The following GRB14 variants were observed in gnomAD, a reference collection of about 807,000 sequenced individuals.
GRB14 encodes the protein growth factor receptor-bound protein 14.
In GRB14, 38 loss-of-function variants were observed where a neutral mutation model predicts 69.1. The observed-to-expected ratio is 0.55, with a 90% CI of 0.42 to 0.72. The LOEUF is 0.72. GRB14 is among the 30% of genes least tolerant of loss of function. The pLI, the probability that GRB14 is intolerant of heterozygous loss-of-function variation, is 0.00. For synonymous variants in GRB14, 247 were observed against 241.3 expected, an observed-to-expected ratio of 1.02 and a Z score of -0.22; for missense variants, 666 against 666.1, an observed-to-expected ratio of 1.00 and a Z score of 0.00.
chr2:164,497,016 A>G lies in GRB14; in HGVS notation c.1374T>C (p.Leu458=), dbSNP rs1686917734. Residue 458 remains leucine (L), a synonymous_variant, in exon 12 of 14, where the codon CTT becomes CTC. Transcript: ENST00000263915. The part of the protein sequence containing the change: ...EAQRLIIQQG[L]VDGVFLVRDS... ...AAAAATACCAAACTTACCCATCCACAAGTCCTTGCTGAATAATCAATCGCT... is the reference window on the plus strand; with the variant it reads ...AAAAATACCAAACTTACCCATCCACGAGTCCTTGCTGAATAATCAATCGCT... 6.2e-7 allele frequency: 1 copy of G among 1,613,486 alleles called. No individual in the cohort carries two copies. Among genetic ancestry groups the G allele is most frequent in the African/African-American group, 1.3e-5 (1 of 75,034 alleles).
chr2:164,608,492 A>G (rs1690091508), intron 2 of GRB14, among the ~76,000 whole-genome samples: 2 of 152,106 alleles, frequency 1.3e-5, no homozygotes, highest in African/African-American at 4.8e-5. Flanking sequence ...TAATACATTG[A>G]TGGTGCCTAT....
At chr2:164,568,497 A>T (rs548658973) in intron 2 of GRB14, 1 of 1,126,610 alleles carries the variant, frequency 8.9e-7, no homozygotes, top group South Asian at 1.9e-5. Flanking sequence ...GAAAGTAATA[A>T]ATGTCACCCT....
At chr2:164,613,266 TTGAGA>T (rs1347581424) in intron 2 of GRB14, among the ~76,000 whole-genome samples, 1 of 152,192 alleles carries the variant, frequency 6.6e-6, no homozygotes, top group African/African-American at 2.4e-5. Context: ...TGTGTCCTGT[TTGAGA>T]TCTTTTTTTT....
At chr2:164,513,825 G>C (rs750520368) in intron 6 of GRB14, among the ~76,000 whole-genome samples, 13 of 152,166 alleles carry the variant, frequency 8.5e-5, no homozygotes, top group Non-Finnish European at 1.8e-4. Context: ...GACAACTATA[G>C]ATGCATGAAA....
At chr2:164,499,982 G>A (rs1354218942) in intron 9 of GRB14, among the ~76,000 whole-genome samples, 2 of 152,146 alleles carry the variant, frequency 1.3e-5, no homozygotes, top group East Asian at 3.9e-4. Flanking sequence ...CACACAGGCA[G>A]CTTATGGTAA....
At chr2:164,514,620 G>C (rs1687431299) in intron 6 of GRB14, among the ~76,000 whole-genome samples, 2 of 152,112 alleles carry the variant, frequency 1.3e-5, no homozygotes, top group Non-Finnish European at 2.9e-5. Flanking sequence ...GAGGAACTTG[G>C]AAAAGACCAC....
Position 164,522,042 on chromosome 2 carries a change from T to C in GRB14, c.754A>G (p.Lys252Glu). Residue 252 changes from lysine to glutamate, a missense_variant, in exon 6 of 14, where the codon AAA becomes GAA. Transcript: ENST00000263915. Reference protein sequence around the residue: ...HAKEQGKKSWKKIYFFLRRSG... With the variant: ...HAKEQGKKSWEKIYFFLRRSG... ...CTTCTTAGAAAAAAGTAAATTTTTT[T>C]CCAAGACTTCTTTCCCTGTTCTTTC... The C allele has an allele frequency of 1.2e-6, 2 of 1,603,250 alleles. No homozygotes were observed. Among genetic ancestry groups the C allele is most frequent in the Non-Finnish European group, 1.7e-6 (2 of 1,171,546 alleles).
intron 6 of GRB14, among the ~76,000 whole-genome samples, chr2:164,516,137 C>T (rs549412039): frequency 1.3e-5 from 2 of 152,064 alleles, no homozygotes; most frequent in Non-Finnish European, 2.9e-5. Flanking sequence ...GTTTGGAAAA[C>T]ATATTTGAGG....
chr2:164,526,662 G>A (rs1020616925), intron 4 of GRB14, among the ~76,000 whole-genome samples: 1 of 151,690 alleles, frequency 6.6e-6, no homozygotes, highest in Non-Finnish European at 1.5e-5. Flanking sequence ...TCCTAATCTG[G>A]GTGAGAACCT....
chr2:164,519,898 T>C (rs941691779), intron 6 of GRB14, among the ~76,000 whole-genome samples: 2 of 152,148 alleles, frequency 1.3e-5, no homozygotes, highest in African/African-American at 4.8e-5. Context: ...CCCATGCTCA[T>C]GGATGGGCAG....
chr2:164,558,660 C>A (rs1574307617), intron 2 of GRB14, among the ~76,000 whole-genome samples: 2 of 152,228 alleles, frequency 1.3e-5, no homozygotes, highest in South Asian at 4.1e-4. Context: ...CAGAATACCA[C>A]TGGCCATGCT....
At chr2:164,515,803 G>GAAAAAAAAAAAAAAAAA (rs55851742) in intron 6 of GRB14, among the ~76,000 whole-genome samples, 1 of 137,876 alleles carries the variant, frequency 7.3e-6, no homozygotes, top group African/African-American at 2.7e-5. Context: ...AACTTAGTGA[G>GAAAAAAAAAAAAAAAAA]AAAAAAAAAA....
intron 2 of GRB14, among the ~76,000 whole-genome samples, chr2:164,575,962 A>G (rs190070393): frequency 2.6e-5 from 4 of 152,270 alleles, no homozygotes; most frequent in African/African-American, 9.6e-5. Flanking sequence ...AAAAACATTC[A>G]GTTGAATCAT....
In GRB14 at chr2:164,508,515, C is replaced by G. The variant is rs767745087; in HGVS notation, c.963G>C (p.Met321Ile). Residue 321 changes from methionine to isoleucine, a missense_variant, in exon 8 of 14, where the codon ATG becomes ATC. Physicochemically the swap from Met to Ile is conservative, Grantham distance 10. Transcript: ENST00000263915. ...NKAGGPRDLK[M>I]LCAEEEQSRT... ...TACTCTGCTCTTCTTCTGCACAGAG[C>G]ATTTTCAGGTCTCGGGGCCCTCCCG... The G allele has an allele frequency of 1.9e-6, 3 of 1,613,990 alleles. No individual in the cohort carries two copies. In the Admixed American group the frequency reaches 5.0e-5, roughly 27 times the overall value.
chr2:164,558,990 A>G (rs1453716866), intron 2 of GRB14, among the ~76,000 whole-genome samples: 1 of 152,166 alleles, frequency 6.6e-6, no homozygotes, highest in East Asian at 1.9e-4. Flanking sequence ...TTTCACATTT[A>G]ACTTCTCTGA....
At chr2:164,596,746 C>G (rs914346812) in intron 2 of GRB14, among the ~76,000 whole-genome samples, 6 of 152,122 alleles carry the variant, frequency 3.9e-5, no homozygotes, top group African/African-American at 1.4e-4. Flanking sequence ...TATTTTTACA[C>G]TTCAAATCAG....
intron 2 of GRB14, among the ~76,000 whole-genome samples, chr2:164,589,526 A>G (rs189536717): frequency 4.8e-4 from 73 of 152,284 alleles, no homozygotes; most frequent in Non-Finnish European, 9.7e-4. Context: ...TGCACAGATC[A>G]CATGGCAAGA....
intron 6 of GRB14, among the ~76,000 whole-genome samples, chr2:164,520,692 G>A (rs986213839): frequency 5.3e-5 from 8 of 151,786 alleles, no homozygotes; most frequent in Admixed American, 1.3e-4. Context: ...CAAAAAGTAC[G>A]CTGAAGACAT....
chr2:164,603,251 ATGAT>A (rs1230159209), intron 2 of GRB14, among the ~76,000 whole-genome samples: 5 of 151,310 alleles, frequency 3.3e-5, no homozygotes, highest in African/African-American at 1.2e-4. Flanking sequence ...AAAAGAAAAG[ATGAT>A]TAATAAGTGG....
Sources: gnomAD v4.1 joint callset for allele counts (sites outside exome capture counted in the v4.1 genomes callset) on GRCh38, gnomAD v4.1.1 for gene constraint, MANE v1.5 for transcripts, NCBI Gene and HGNC (gene_info 2026-07-23, HGNC 2026-07-21) for gene names.